The following MGST1 variants were observed in gnomAD, a reference collection of about 807,000 sequenced individuals.
MGST1 encodes the protein microsomal glutathione S-transferase 1.
MGST1 carries 5 observed loss-of-function variants against 8.9 expected under a neutral mutation model. The ratio of observed to expected loss-of-function variants is 0.56; its 90% CI spans 0.29 to 1.19. MGST1 has a LOEUF of 1.19. Among genes scored for constraint, MGST1 ranks in the 50% most tolerant of loss-of-function variants. The pLI is 0.08. For synonymous variants in MGST1, 54 were observed against 67.8 expected, an observed-to-expected ratio of 0.80 and a Z score of 1.00; for missense variants, 182 against 187.4, an observed-to-expected ratio of 0.97 and a Z score of 0.17.
intron 4 of MGST1, among the ~76,000 whole-genome samples, chr12:16,463,371 G>T (rs1393836430): frequency 6.8e-6 from 1 of 146,256 alleles, no homozygotes; most frequent in Non-Finnish European, 1.5e-5. Flanking sequence ...TTAAGAGAAA[G>T]AGATTGGCAA....
intron 4 of MGST1, among the ~76,000 whole-genome samples, chr12:16,536,499 TA>T (rs1941757735): frequency 1.3e-5 from 2 of 152,212 alleles, no homozygotes; most frequent in African/African-American, 4.8e-5. Context: ...GAAATGTTGG[TA>T]ATTCTGGTTA....
At chr12:16,405,768 C>G (rs1426566647) in intron 1 of MGST1, among the ~76,000 whole-genome samples, 1 of 152,132 alleles carries the variant, frequency 6.6e-6, no homozygotes, top group Non-Finnish European at 1.5e-5. Context: ...ATACACAAAT[C>G]AATAAATGTG....
rs1943330736 is a variant in MGST1 at position 16,586,645 on chromosome 12, T to C, written n.483-2883T>C. Among the ~76,000 whole-genome samples the C allele has an allele frequency of 6.6e-6, 1 of 152,184 alleles. No individual in the cohort carries two copies. The highest frequency in any genetic ancestry group is 6.6e-5 in the Admixed American group (1 of 15,264). ...TTGTCTCCCAAAGCCTGTCCTAGGA[T>C]GTGGCAATAAGGCTATACCGTCGGG... On this transcript the variant is annotated intron_variant and non_coding_transcript_variant, in intron 4 of 4. Transcript: ENST00000538857. This position sits in a 1 kb window ranked among gnomAD's most constrained non-coding sequence, Gnocchi z 4.3.
intron 4 of MGST1, among the ~76,000 whole-genome samples, chr12:16,575,146 A>G (rs568128880): frequency 6.6e-6 from 1 of 152,326 alleles, no homozygotes; most frequent in South Asian, 2.1e-4. Flanking sequence ...TAAACTTAAC[A>G]TTATGATGTC....
chr12:16,586,447 C>G lies in MGST1; in HGVS notation n.483-3081C>G, dbSNP rs1943323186. Among the ~76,000 whole-genome samples the G allele has an allele frequency of 6.6e-6, 1 of 152,176 alleles. No individual in the cohort carries two copies. Among genetic ancestry groups the G allele is most frequent in the Non-Finnish European group, 1.5e-5 (1 of 68,034 alleles). On this transcript the variant is annotated intron_variant and non_coding_transcript_variant, in intron 4 of 4. Transcript: ENST00000538857. The surrounding 1 kb of genome is among the most constrained non-coding windows in gnomAD (Gnocchi z 4.3). ...GTTCTCCTCCAACACACAGCTGAGT[C>G]ACAGAGGCCCTGGACAATGTGTCTG... is the stretch of plus-strand genomic sequence containing the variant.
At chr12:16,468,877 G>C (rs1941272728) in intron 4 of MGST1, among the ~76,000 whole-genome samples, 1 of 152,184 alleles carries the variant, frequency 6.6e-6, no homozygotes, top group South Asian at 2.1e-4. Context: ...AATCTGGCCT[G>C]TGTCCAGTTA....
intron 1 of MGST1, among the ~76,000 whole-genome samples, chr12:16,384,554 A>G (rs1940487324): frequency 6.6e-6 from 1 of 152,114 alleles, no homozygotes; most frequent in Non-Finnish European, 1.5e-5. Context: ...GACAGAACCA[A>G]CCCTGCCAAC....
intron 4 of MGST1, among the ~76,000 whole-genome samples, chr12:16,554,556 C>G (rs1942114686): frequency 6.6e-6 from 1 of 152,226 alleles, no homozygotes; most frequent in Non-Finnish European, 1.5e-5. Flanking sequence ...CATTATACAT[C>G]TCACTGCTAA....
intron 1 of MGST1, among the ~76,000 whole-genome samples, chr12:16,425,890 C>T (rs181129358): frequency 6.6e-6 from 1 of 152,192 alleles, no homozygotes; most frequent in South Asian, 2.1e-4. Context: ...TTCTCTCAAC[C>T]CAGGGAGTTA....
intron 1 of MGST1, among the ~76,000 whole-genome samples, chr12:16,384,850 A>G (rs1363099634): frequency 6.6e-6 from 1 of 152,204 alleles, no homozygotes; most frequent in Admixed American, 6.5e-5. Context: ...GAGTTCTGAC[A>G]TGCTCCTTGT....
At chr12:16,372,188 C>A (rs191910646) in intron 3 of MGST1, among the ~76,000 whole-genome samples, 30 of 152,110 alleles carry the variant, frequency 2.0e-4, no homozygotes, top group Non-Finnish European at 2.9e-5. Context: ...CAAATGGTAT[C>A]ACATCAAGTT....
In MGST1 at chr12:16,364,063, T is replaced by G; in HGVS notation, c.*22T>G. ...GTAAAGAAAATCATACAACTCAGCA[T>G]CCAGTTGGCTTTTTAAGAATTCTGT... On this transcript the variant is annotated 3_prime_UTR_variant, in exon 4 of 4. Transcript: ENST00000396210. This position sits in a 1 kb window ranked among gnomAD's most constrained non-coding sequence, Gnocchi z 5.7. The G allele has an allele frequency of 6.4e-7, 1 of 1,565,694 alleles. No individual in the cohort carries two copies. Among genetic ancestry groups the G allele is most frequent in the East Asian group, 2.3e-5 (1 of 44,412 alleles).
At chr12:16,351,158 C>A (rs1314700564) in intron 1 of MGST1, among the ~76,000 whole-genome samples, 1 of 152,128 alleles carries the variant, frequency 6.6e-6, no homozygotes, top group Non-Finnish European at 1.5e-5. Context: ...TAGCAACTTT[C>A]TATTTGATAA....
chr12:16,463,704 A>C (rs1210479084), intron 4 of MGST1, among the ~76,000 whole-genome samples: 1 of 152,112 alleles, frequency 6.6e-6, no homozygotes, highest in Non-Finnish European at 1.5e-5. Flanking sequence ...CCTTTGATCT[A>C]TATGAATATT....
intron 2 of MGST1, 126 bp from the exon 3 acceptor site, chr12:16,357,479 G>A (rs1939771525): frequency 2.8e-6 from 2 of 717,964 alleles, no homozygotes; most frequent in African/African-American, 1.8e-5. Context: ...ATGTTGCCCA[G>A]GCTGATCTTG....
At chr12:16,522,383 C>G (rs889735708) in intron 4 of MGST1, among the ~76,000 whole-genome samples, 8 of 152,064 alleles carry the variant, frequency 5.3e-5, no homozygotes, top group African/African-American at 1.9e-4. Flanking sequence ...TTTGGCATAA[C>G]TCTTTTACCT....
At chr12:16,483,011 C>T (rs1941375128) in intron 4 of MGST1, among the ~76,000 whole-genome samples, 1 of 152,170 alleles carries the variant, frequency 6.6e-6, no homozygotes, top group African/African-American at 2.4e-5. Context: ...TAAAAAACAG[C>T]TTTATGTGGA....
rs117011819 is a variant in MGST1 at position 16,483,098 on chromosome 12, G to A, written n.482+99494G>A. 1.3e-3 allele frequency among the ~76,000 whole-genome samples: 192 copies of A among 152,234 alleles called. 4 individuals carry two copies. The East Asian group carries it at 0.031, about 25-fold the overall frequency. Reference sequence around the variant, plus strand: ...ATAAATGCCCTATATGCCCATAGATGCCAGGTTTGTTTACCATAAGCAGGC... The same window carrying A: ...ATAAATGCCCTATATGCCCATAGATACCAGGTTTGTTTACCATAAGCAGGC... On this transcript the variant is annotated intron_variant and non_coding_transcript_variant, in intron 4 of 4. Transcript: ENST00000538857.
intron 1 of MGST1, among the ~76,000 whole-genome samples, chr12:16,432,969 G>A (rs555495676): frequency 6.6e-6 from 1 of 152,068 alleles, no homozygotes; most frequent in African/African-American, 2.4e-5. Context: ...GTATTAGTCA[G>A]GGTTCTCTAG....
Sources: allele counts gnomAD v4.1 joint callset (sites outside exome capture counted in the v4.1 genomes callset), GRCh38; gene constraint gnomAD v4.1.1; non-coding constraint Gnocchi (gnomAD v3.1); transcripts MANE v1.5; gene names NCBI Gene and HGNC (gene_info 2026-07-23, HGNC 2026-07-21).